The following DTNA variants were observed in gnomAD, a reference collection of about 807,000 sequenced individuals.
The protein encoded by DTNA is dystrophin-related protein 3.
Under a neutral mutation model 100.7 loss-of-function variants are expected in DTNA, and 43 were observed. The observed-to-expected ratio is 0.43, with a 90% CI of 0.33 to 0.55. DTNA has a LOEUF of 0.55. Among genes scored for constraint, DTNA ranks in the 20% least tolerant of loss-of-function variants. The probability of loss-of-function intolerance (pLI) is 0.04; values close to 1 mark genes in which losing one functional copy is unlikely to be tolerated. For synonymous variants in DTNA, 349 were observed against 347.9 expected, an observed-to-expected ratio of 1.00 and a Z score of -0.04; for missense variants, 798 against 953.9, an observed-to-expected ratio of 0.84 and a Z score of 2.15.
chr18:34,746,766 A>T (rs2091649506), intron 1 of DTNA, among the ~76,000 whole-genome samples: 1 of 152,126 alleles, frequency 6.6e-6, no homozygotes, highest in Admixed American at 6.6e-5. Context: ...TCATCCTTCC[A>T]AAAAGTTCCT....
intron 1 of DTNA, among the ~76,000 whole-genome samples, chr18:34,669,156 A>T (rs2076376250): frequency 6.6e-6 from 1 of 152,158 alleles, no homozygotes; most frequent in African/African-American, 2.4e-5. Flanking sequence ...CTTCTTGTTA[A>T]ATCGATACCT....
chr18:34,583,812 C>A (rs1241234151), intron 1 of DTNA, among the ~76,000 whole-genome samples: 1 of 152,142 alleles, frequency 6.6e-6, no homozygotes, highest in East Asian at 1.9e-4. Context: ...AACAAGAACA[C>A]CTGGACTCCC....
At chr18:34,575,735 A>C (rs2048051579) in intron 1 of DTNA, among the ~76,000 whole-genome samples, 1 of 152,150 alleles carries the variant, frequency 6.6e-6, no homozygotes. Flanking sequence ...ATGGATTCTG[A>C]TTTATCCTTC....
chr18:34,753,374 T>TATTTTTA, intron 1 of DTNA, among the ~76,000 whole-genome samples: 1 of 94,396 alleles, frequency 1.1e-5, no homozygotes, highest in African/African-American at 6.1e-5. Context: ...TTATTTTTTT[T>TATTTTTA]TTTTTTTTAT....
intron 1 of DTNA, among the ~76,000 whole-genome samples, chr18:34,669,094 A>G (rs2076364010): frequency 1.3e-5 from 2 of 152,134 alleles, no homozygotes; most frequent in South Asian, 2.1e-4. Flanking sequence ...GGCTTGCTTT[A>G]TGTATCTGGG....
chr18:34,840,682 C>T (rs1204892072), intron 13 of DTNA, among the ~76,000 whole-genome samples: 1 of 152,086 alleles, frequency 6.6e-6, no homozygotes, highest in African/African-American at 2.4e-5. Context: ...TTGCGTCTGC[C>T]TGATGAAAGC....
intron 1 of DTNA, among the ~76,000 whole-genome samples, chr18:34,563,608 C>T (rs1464632223): frequency 6.6e-6 from 1 of 152,170 alleles, no homozygotes; most frequent in East Asian, 1.9e-4. Flanking sequence ...TCCTTCCCAC[C>T]TCATCAGTTC....
At chr18:34,590,324 C>T (rs1478334434) in intron 1 of DTNA, among the ~76,000 whole-genome samples, 1 of 152,008 alleles carries the variant, frequency 6.6e-6, no homozygotes, top group Non-Finnish European at 1.5e-5. Context: ...TCTCTTTTAA[C>T]AAAAATCACA....
At chr18:34,833,560 T>G (rs1262121234) in intron 11 of DTNA, among the ~76,000 whole-genome samples, 1 of 152,132 alleles carries the variant, frequency 6.6e-6, no homozygotes, top group Admixed American at 6.6e-5. Context: ...TTTCCTGCCT[T>G]TTTTCTTTCA....
intron 1 of DTNA, among the ~76,000 whole-genome samples, chr18:34,646,008 C>G (rs775442664): frequency 2.6e-5 from 4 of 152,114 alleles, no homozygotes; most frequent in Non-Finnish European, 5.9e-5. Flanking sequence ...GGGATGTGAT[C>G]ATCTGAACTG....
In DTNA at chr18:34,820,224, G is replaced by T. The variant is rs117465908; in HGVS notation, c.877-567G>T. ...CAGCCACACCTGAAACATCTTTCTT[G>T]CACCTGGATTCCCGCAAAATCTTCC... On this transcript the variant is annotated intron_variant, in intron 8 of 22. Transcript: ENST00000444659. 8.3e-3 allele frequency among the ~76,000 whole-genome samples: 1,259 copies of T among 152,022 alleles called. 6 individuals carry two copies. Among genetic ancestry groups the T allele is most frequent in the Middle Eastern group, 0.034 (10 of 294 alleles).
intron 1 of DTNA, among the ~76,000 whole-genome samples, chr18:34,619,619 C>G (rs914691413): frequency 6.6e-6 from 1 of 152,056 alleles, no homozygotes; most frequent in Non-Finnish European, 1.5e-5. Context: ...GCTCTGACAA[C>G]AGAATGGATG....
intron 2 of DTNA, 134 bp downstream of exon 2, chr18:34,756,177 T>G: frequency 9.6e-7 from 1 of 1,043,074 alleles, no homozygotes; most frequent in Non-Finnish European, 1.4e-6. Context: ...AAGTGTACAT[T>G]TTGGCCTTTT....
At position 34,866,814 on chromosome 18, in the gene DTNA, C is replaced by T. The variant is rs911036783; in HGVS notation, c.1743+2752C>T. On this transcript the variant is annotated intron_variant, in intron 17 of 22. Coordinates refer to ENST00000444659, the MANE Select transcript of DTNA (RefSeq NM_001386795.1). The stretch of plus-strand genomic sequence containing the variant: ...AGTAATCTCTTTTTAAAAAGTAACT[C>T]TCAGCTTTTTCCTTAGCACCAGAGC... The T allele has an allele frequency of 3.0e-6, 3 of 1,002,122 alleles. No individual in the cohort carries two copies. The African/African-American group carries it at 5.2e-5, about 17-fold the overall frequency. The allele number at this position is 1,002,122 out of a possible 1,614,324, so 62.1% of individuals were successfully genotyped here.
chr18:34,853,592 G>A (rs899374018), intron 15 of DTNA, among the ~76,000 whole-genome samples: 7 of 152,014 alleles, frequency 4.6e-5, no homozygotes, highest in African/African-American at 1.2e-4. Flanking sequence ...TGACTCCATC[G>A]CCTTTGAAAC....
At chr18:34,510,622 C>CTTTTTT (rs1027138316) in intron 1 of DTNA, among the ~76,000 whole-genome samples, 1 of 92,840 alleles carries the variant, frequency 1.1e-5, no homozygotes. Flanking sequence ...ACTGGCCATT[C>CTTTTTT]TTTTTTTTTT....
chr18:34,774,867 G>A lies in DTNA; in HGVS notation c.148+8826G>A, dbSNP rs183967611. Among the ~76,000 whole-genome samples the A allele has an allele frequency of 2.2e-3, 330 of 152,238 alleles. 1 individual carries two copies. The highest frequency in any genetic ancestry group is 7.5e-3 in the African/African-American group (311 of 41,552). On this transcript the variant is annotated intron_variant, in intron 3 of 22. Transcript: ENST00000444659. Reference sequence around the variant, plus strand: ...CAAGTTTCTCAAGTCATAAATCTGGGCATCATCTTTGACCTCTTATCTCAA... The same window carrying A: ...CAAGTTTCTCAAGTCATAAATCTGGACATCATCTTTGACCTCTTATCTCAA...
chr18:34,725,260 C>G (rs1378975199), intron 1 of DTNA, among the ~76,000 whole-genome samples: 1 of 152,124 alleles, frequency 6.6e-6, no homozygotes, highest in Non-Finnish European at 1.5e-5. Context: ...TCTAATTAAA[C>G]TAAAGTGCTT....
chr18:34,611,173 C>CAA (rs964103599), intron 1 of DTNA, among the ~76,000 whole-genome samples: 1 of 151,404 alleles, frequency 6.6e-6, no homozygotes, highest in Non-Finnish European at 1.5e-5. Context: ...TAAACTCCCA[C>CAA]AAAAAAAAAT....
Sources: allele counts gnomAD v4.1 joint callset (sites outside exome capture counted in the v4.1 genomes callset), GRCh38; gene constraint gnomAD v4.1.1; transcripts MANE v1.5; gene names NCBI Gene and HGNC (gene_info 2026-07-23, HGNC 2026-07-21).